Variants in DLG2 observed in about 807,000 individuals in gnomAD.
DLG2 encodes the protein discs large MAGUK scaffold protein 2.
DLG2 carries 45 observed loss-of-function variants against 132.5 expected under a neutral mutation model. The observed-to-expected ratio is 0.34, with a 90% CI of 0.27 to 0.44. The LOEUF is 0.44. DLG2 is among the 20% of genes least tolerant of loss of function. DLG2 has a pLI of 1.00. For synonymous variants in DLG2, 424 were observed against 419.6 expected, an observed-to-expected ratio of 1.01 and a Z score of -0.13; for missense variants, 1,045 against 1,196.9, an observed-to-expected ratio of 0.87 and a Z score of 1.87.
At chr11:85,340,461 A>G (rs991982796) in intron 3 of DLG2, among the ~76,000 whole-genome samples, 5 of 144,852 alleles carry the variant, frequency 3.5e-5, no homozygotes, top group Non-Finnish European at 7.6e-5. Flanking sequence ...GACACAGGGC[A>G]GGGAACATCA....
chr11:83,611,896 C>T (rs1321795621), intron 19 of DLG2, among the ~76,000 whole-genome samples: 1 of 152,004 alleles, frequency 6.6e-6, no homozygotes, highest in Non-Finnish European at 1.5e-5. Flanking sequence ...AGCCAGTTTA[C>T]CTTTAGCTGC....
intron 22 of DLG2, among the ~76,000 whole-genome samples, chr11:83,477,219 A>G (rs2092690902): frequency 6.6e-6 from 1 of 152,084 alleles, no homozygotes; most frequent in African/African-American, 2.4e-5. Context: ...CCTAGTATTT[A>G]CCACCTCCTA....
At chr11:84,644,791 A>G (rs970048094) in intron 6 of DLG2, among the ~76,000 whole-genome samples, 1 of 152,012 alleles carries the variant, frequency 6.6e-6, no homozygotes, top group Non-Finnish European at 1.5e-5. Context: ...TGGGAAACTA[A>G]TAATTCCTGT....
At chr11:85,550,320 G>A (rs116352392) in intron 3 of DLG2, among the ~76,000 whole-genome samples, 1,542 of 152,354 alleles carry the variant, frequency 0.01, 33 homozygotes, top group African/African-American at 0.036. Flanking sequence ...AAAGAGCACT[G>A]TATCACATCA....
chr11:83,672,618 T>C (rs1284142952), intron 18 of DLG2, among the ~76,000 whole-genome samples: 3 of 152,222 alleles, frequency 2.0e-5, no homozygotes, highest in Admixed American at 2.0e-4. Context: ...CAGAAATTCT[T>C]CCCCACCTTT....
chr11:84,350,181 C>CCA (rs1555518935), intron 7 of DLG2, among the ~76,000 whole-genome samples: 9 of 143,108 alleles, frequency 6.3e-5, no homozygotes, highest in African/African-American at 1.1e-4. Context: ...TCGTCCCCCC[C>CCA]CCCAAAAAAA....
In DLG2 at chr11:83,924,535, A is replaced by C. The variant is rs1161590755; in HGVS notation, c.1496+5793T>G. Among the ~76,000 whole-genome samples, 3 of 152,256 alleles carry C rather than the reference A, an allele frequency of 2.0e-5. No homozygotes were observed. The East Asian group carries it at 5.8e-4, about 29-fold the overall frequency. On this transcript the variant is annotated intron_variant, in intron 15 of 27. Coordinates refer to ENST00000376104, the MANE Select transcript of DLG2 (RefSeq NM_001142699.3). ...TTGTAAAATACTTAGATCTCTATAA[A>C]AATACAGGCAGGCTTGCACAGCCCT... is the stretch of plus-strand genomic sequence containing the variant.
intron 2 of DLG2, among the ~76,000 whole-genome samples, chr11:85,611,802 T>C (rs913043769): frequency 2.0e-5 from 3 of 152,250 alleles, no homozygotes; most frequent in East Asian, 1.9e-4. Context: ...CATGGAGTTA[T>C]TGCACTCAGT....
intron 3 of DLG2, among the ~76,000 whole-genome samples, chr11:85,399,122 C>G (rs1384261559): frequency 6.6e-6 from 1 of 152,050 alleles, no homozygotes; most frequent in African/African-American, 2.4e-5. Flanking sequence ...CACAAGCATT[C>G]TTATACACCA....
chr11:84,742,702 C>T (rs373880751), intron 6 of DLG2, among the ~76,000 whole-genome samples: 27 of 152,104 alleles, frequency 1.8e-4, no homozygotes, highest in African/African-American at 5.8e-4. Context: ...TGGTGGTGTA[C>T]ATTCTGTGGG....
At chr11:83,857,817 C>CT (rs34112412) in intron 16 of DLG2, among the ~76,000 whole-genome samples, 77,534 of 145,306 alleles carry the variant, frequency 0.53, 20,723 homozygotes, top group East Asian at 0.8. Flanking sequence ...ATTTTCTGCT[C>CT]TTTTTTTTTT....
chr11:85,129,998 T>C (rs892289079), intron 5 of DLG2, among the ~76,000 whole-genome samples: 1 of 151,722 alleles, frequency 6.6e-6, no homozygotes, highest in Non-Finnish European at 1.5e-5. Context: ...TAAGTGGGAG[T>C]TGAACAATGA....
intron 6 of DLG2, among the ~76,000 whole-genome samples, chr11:84,809,440 AAAAAT>A (rs1326207985): frequency 7.6e-6 from 1 of 131,074 alleles, no homozygotes; most frequent in Non-Finnish European, 1.7e-5. Flanking sequence ...TAAAGAAAAA[AAAAAT>A]AAAAGTCATA....
intron 6 of DLG2, among the ~76,000 whole-genome samples, chr11:84,885,402 A>G (rs998247851): frequency 2.0e-5 from 3 of 151,996 alleles, no homozygotes; most frequent in Non-Finnish European, 2.9e-5. Context: ...TGGCATATTC[A>G]TAGCTTATTG....
At chr11:85,274,820 G>A (rs1310954552) in intron 4 of DLG2, among the ~76,000 whole-genome samples, 1 of 152,080 alleles carries the variant, frequency 6.6e-6, no homozygotes, top group Non-Finnish European at 1.5e-5. Context: ...AAAGGTTCTT[G>A]TACCATACCC....
intron 3 of DLG2, among the ~76,000 whole-genome samples, chr11:85,323,665 C>A (rs929433614): frequency 6.6e-6 from 1 of 152,174 alleles, no homozygotes; most frequent in Non-Finnish European, 1.5e-5. Flanking sequence ...TCCCTACTAC[C>A]TTTCTCAGCT....
intron 3 of DLG2, among the ~76,000 whole-genome samples, chr11:85,409,871 T>C (rs542340040): frequency 3.0e-4 from 45 of 151,984 alleles, no homozygotes; most frequent in African/African-American, 1.1e-3. Context: ...ATGTTGCTCA[T>C]TATCATTACT....
chr11:85,423,042 T>G, intron 3 of DLG2, among the ~76,000 whole-genome samples: 1 of 152,058 alleles, frequency 6.6e-6, no homozygotes, highest in Non-Finnish European at 1.5e-5. Flanking sequence ...CTAGAGTTGG[T>G]TTTTTGGTTC....
chr11:84,451,850 A>T (rs1404676093), intron 7 of DLG2, among the ~76,000 whole-genome samples: 3 of 151,730 alleles, frequency 2.0e-5, no homozygotes, highest in Non-Finnish European at 4.4e-5. Context: ...AATTTTTCTG[A>T]TAAGTTGATT....
Sources: allele counts gnomAD v4.1 joint callset (sites outside exome capture counted in the v4.1 genomes callset), GRCh38; gene constraint gnomAD v4.1.1; transcripts MANE v1.5; gene names NCBI Gene and HGNC (gene_info 2026-07-23, HGNC 2026-07-21).